Variants in GRM1 observed in about 807,000 individuals in gnomAD.
The protein encoded by GRM1 is metabotropic glutamate receptor 1.
A neutral mutation model predicts 90.9 loss-of-function variants in GRM1; 33 were observed. The ratio of observed to expected loss-of-function variants is 0.36; its 90% CI spans 0.28 to 0.49. GRM1 has a LOEUF of 0.49. Among genes scored for constraint, GRM1 ranks in the 20% least tolerant of loss-of-function variants. GRM1 has a pLI of 0.99. For synonymous variants in GRM1, 700 were observed against 613.2 expected, an observed-to-expected ratio of 1.14 and a Z score of -2.09; for missense variants, 1,190 against 1,534.3, an observed-to-expected ratio of 0.78 and a Z score of 3.75.
At chr6:146,359,660 C>T (rs986075783) in intron 5 of GRM1, among the ~76,000 whole-genome samples, 4 of 152,160 alleles carry the variant, frequency 2.6e-5, no homozygotes, top group Non-Finnish European at 4.4e-5. Flanking sequence ...CACGTGTGCT[C>T]CCCTTTACAC....
At chr6:146,343,662 T>G (rs1785065233) in intron 3 of GRM1, among the ~76,000 whole-genome samples, 1 of 147,438 alleles carries the variant, frequency 6.8e-6, no homozygotes, top group Non-Finnish European at 1.5e-5. Context: ...TTTTTATTTA[T>G]TATTATTATT....
chr6:146,078,140 G>A (rs911215109), intron 1 of GRM1, among the ~76,000 whole-genome samples: 3 of 152,212 alleles, frequency 2.0e-5, no homozygotes, highest in South Asian at 2.1e-4. Flanking sequence ...AGAGGAGTAA[G>A]CATTGTCAGC....
intron 1 of GRM1, among the ~76,000 whole-genome samples, chr6:146,069,826 G>A (rs1229262460): frequency 6.6e-6 from 1 of 152,054 alleles, no homozygotes; most frequent in Non-Finnish European, 1.5e-5. Context: ...TTTACTATAT[G>A]CTAAATGCTG....
chr6:146,358,537 C>G (rs993460207), intron 5 of GRM1, among the ~76,000 whole-genome samples: 2 of 152,186 alleles, frequency 1.3e-5, no homozygotes, highest in Non-Finnish European at 2.9e-5. Context: ...TGTCTCACAG[C>G]ACAGCTGGAG....
intron 1 of GRM1, among the ~76,000 whole-genome samples, chr6:146,044,108 G>A (rs1319771349): frequency 6.6e-6 from 1 of 151,864 alleles, no homozygotes; most frequent in Admixed American, 6.6e-5. Flanking sequence ...GACCTGCCAT[G>A]AGGCTGTGTT....
rs1295401377 is a variant in GRM1, at chr6:146,435,877, CATT to C, written c.*1085_*1087del. The C allele has an allele frequency of 1.3e-5, 2 of 152,612 alleles. No individual in the cohort carries two copies. Among genetic ancestry groups the C allele is most frequent in the Admixed American group, 1.3e-4 (2 of 15,290 alleles). The allele number at this position is 152,612 out of a possible 1,614,324, so 9.5% of individuals were successfully genotyped here. A position where few individuals can be genotyped will look rare whatever the true frequency, so the allele number is the denominator to read the frequency against. ...GATGCGTATATGTACAATTTGGTGC[CATT>C]ATTTCTCCTACGTATTAGAGAAACA... On this transcript the variant is annotated 3_prime_UTR_variant, in exon 8 of 8. Coordinates refer to ENST00000282753, the MANE Select transcript of GRM1 (RefSeq NM_001278064.2).
chr6:146,042,309 T>C (rs74932681), intron 1 of GRM1, among the ~76,000 whole-genome samples: 7,641 of 152,134 alleles, frequency 0.05, 277 homozygotes, highest in Non-Finnish European at 0.079. Flanking sequence ...GCTGCTAATA[T>C]GCATCCTTGT....
At chr6:146,295,253 A>G (rs908978436) in intron 2 of GRM1, among the ~76,000 whole-genome samples, 5 of 151,982 alleles carry the variant, frequency 3.3e-5, no homozygotes, top group African/African-American at 1.2e-4. Context: ...ATGGAGTCTC[A>G]CCCTGTCACC....
Position 146,398,894 on chromosome 6 carries a change from G to T in GRM1, c.1855G>T (p.Asp619Tyr), listed in dbSNP as rs764723778. The T allele has an allele frequency of 4.3e-6, 7 of 1,613,766 alleles. No homozygotes were observed. Among genetic ancestry groups the T allele is most frequent in the Middle Eastern group, 1.6e-4 (1 of 6,084 alleles). The change falls in exon 7 of 8, where the codon GAC becomes TAC. Residue 619 changes from aspartate (D) to tyrosine (Y), a missense_variant. Physicochemically the swap from Asp to Tyr is radical, Grantham distance 160. Around this residue, in one of 10 missense-constraint regions of GRM1, gnomAD observed 414 missense variants for 598.4 expected, o/e 0.69. Coordinates refer to ENST00000282753, the MANE Select transcript of GRM1 (RefSeq NM_001278064.2). ...CACCCTAATCTTTGTACTGTACCGG[G>T]ACACACCAGTGGTCAAATCCTCCAG... The part of the protein sequence containing the change: ...FVTLIFVLYR[D>Y]TPVVKSSSRE...
At chr6:146,311,244 A>G (rs1004491642) in intron 3 of GRM1, among the ~76,000 whole-genome samples, 2 of 152,236 alleles carry the variant, frequency 1.3e-5, no homozygotes, top group Non-Finnish European at 2.9e-5. Context: ...TCTGCTGTGC[A>G]TACAGGAAGT....
chr6:146,043,710 C>A (rs1162806601), intron 1 of GRM1, among the ~76,000 whole-genome samples: 2 of 149,248 alleles, frequency 1.3e-5, no homozygotes, highest in Non-Finnish European at 3.0e-5. Flanking sequence ...TTCCACCTTA[C>A]TTCAATGGCA....
In GRM1 at chr6:146,423,271, C is replaced by T. The variant is rs147428114; in HGVS notation, c.2661-10601C>T. Among the ~76,000 whole-genome samples the T allele has an allele frequency of 2.1e-3, 317 of 152,304 alleles. 2 individuals carry two copies. Among genetic ancestry groups the T allele is most frequent in the African/African-American group, 7.3e-3 (305 of 41,562 alleles). On this transcript the variant is annotated intron_variant, in intron 7 of 7. Coordinates refer to ENST00000282753, the MANE Select transcript of GRM1 (RefSeq NM_001278064.2). Reference sequence around the variant, plus strand: ...ATTGCTAAAAATACCCTGAAGTCAACCTCTTTCTCTCAGTTTTTATGCAGT... The same window carrying T: ...ATTGCTAAAAATACCCTGAAGTCAATCTCTTTCTCTCAGTTTTTATGCAGT...
chr6:146,256,817 C>T (rs190875247), intron 2 of GRM1, among the ~76,000 whole-genome samples: 26 of 152,222 alleles, frequency 1.7e-4, no homozygotes, highest in Middle Eastern at 3.4e-3. Flanking sequence ...AAAGTCCTCA[C>T]GAAATTGTTT....
At chr6:146,271,974 T>C (rs1392297187) in intron 2 of GRM1, among the ~76,000 whole-genome samples, 3 of 152,184 alleles carry the variant, frequency 2.0e-5, no homozygotes, top group African/African-American at 7.2e-5. Flanking sequence ...CTGAAGAAAA[T>C]GGCAGTTCCT....
chr6:146,341,624 T>C (rs1230305108), intron 3 of GRM1, among the ~76,000 whole-genome samples: 4 of 152,190 alleles, frequency 2.6e-5, no homozygotes, highest in Non-Finnish European at 5.9e-5. Context: ...GAATAACACA[T>C]GACTCTCTAG....
intron 1 of GRM1, among the ~76,000 whole-genome samples, chr6:146,157,416 T>C (rs1478399453): frequency 6.6e-6 from 1 of 152,218 alleles, no homozygotes; most frequent in African/African-American, 2.4e-5. Flanking sequence ...GGTATGCCTA[T>C]GTCCAAACTC....
At chr6:146,097,443 G>T (rs1326975813) in intron 1 of GRM1, among the ~76,000 whole-genome samples, 1 of 152,122 alleles carries the variant, frequency 6.6e-6, no homozygotes, top group Non-Finnish European at 1.5e-5. Flanking sequence ...TAACAAGTAA[G>T]TGTCAGTGAG....
At chr6:146,276,859 G>A (rs1189696470) in intron 2 of GRM1, among the ~76,000 whole-genome samples, 1 of 152,134 alleles carries the variant, frequency 6.6e-6, no homozygotes, top group Non-Finnish European at 1.5e-5. Context: ...CCAGCACTTT[G>A]GGAAGCTGAA....
chr6:146,360,120 C>T (rs567831398), intron 5 of GRM1, among the ~76,000 whole-genome samples: 2 of 152,240 alleles, frequency 1.3e-5, no homozygotes, highest in South Asian at 4.2e-4. Flanking sequence ...AGGCAGCTTG[C>T]AAGGTGATTG....
Sources: allele counts gnomAD v4.1 joint callset (sites outside exome capture counted in the v4.1 genomes callset), GRCh38; gene constraint gnomAD v4.1.1; regional missense constraint gnomAD v4.1.1; transcripts MANE v1.5; gene names NCBI Gene and HGNC (gene_info 2026-07-23, HGNC 2026-07-21).